The following NEK11 variants were observed in gnomAD, a reference collection of about 807,000 sequenced individuals.
NEK11 encodes serine/threonine-protein kinase Nek11.
A neutral mutation model predicts 80.7 loss-of-function variants in NEK11; 72 were observed. That is an observed-to-expected ratio of 0.89 (90% CI 0.74 to 1.08). The LOEUF is 1.08. Among genes scored for constraint, NEK11 ranks in the 50% least tolerant of loss-of-function variants. The pLI is 0.00. For synonymous variants in NEK11, 251 were observed against 260.7 expected, an observed-to-expected ratio of 0.96 and a Z score of 0.36; for missense variants, 764 against 763.6, an observed-to-expected ratio of 1.00 and a Z score of -0.01.
chr3:131,098,352 A>C (rs1460740992), intron 4 of NEK11, among the ~76,000 whole-genome samples: 1 of 152,226 alleles, frequency 6.6e-6, no homozygotes, highest in African/African-American at 2.4e-5. Flanking sequence ...AGAAACTGCC[A>C]TCAAAGTGAA....
chr3:131,265,573 T>C (rs1013846751), intron 16 of NEK11, among the ~76,000 whole-genome samples: 5 of 152,334 alleles, frequency 3.3e-5, no homozygotes, highest in African/African-American at 4.8e-5. Context: ...GCTGACTTGA[T>C]TGTAGTGGAT....
intron 17 of NEK11, among the ~76,000 whole-genome samples, chr3:131,336,771 A>T (rs2097192075): frequency 6.6e-6 from 1 of 152,246 alleles, no homozygotes; most frequent in East Asian, 1.9e-4. Flanking sequence ...CAAATTTACA[A>T]GAAAAAAACA....
chr3:131,284,252 G>T (rs1437692322), intron 17 of NEK11, among the ~76,000 whole-genome samples: 1 of 152,174 alleles, frequency 6.6e-6, no homozygotes, highest in Non-Finnish European at 1.5e-5. Flanking sequence ...CTGAAGCGGA[G>T]GTTCACTAGC....
intron 14 of NEK11, among the ~76,000 whole-genome samples, chr3:131,181,299 G>A (rs1036072987): frequency 4.6e-5 from 7 of 152,180 alleles, no homozygotes; most frequent in African/African-American, 1.7e-4. Context: ...AGGAGACAAT[G>A]AGCCAAGGAA....
chr3:131,265,594 A>T (rs2096037172), intron 16 of NEK11, among the ~76,000 whole-genome samples: 1 of 152,114 alleles, frequency 6.6e-6, no homozygotes, highest in African/African-American at 2.4e-5. Context: ...AAGCTTTTTG[A>T]TGTGCTGCTG....
rs1201725192 is a variant in NEK11, at chr3:131,228,549, T to G, written c.1421T>G (p.Val474Gly). The G allele has an allele frequency of 5.0e-6, 8 of 1,610,136 alleles. No homozygotes were observed. Among genetic ancestry groups the G allele is most frequent in the Non-Finnish European group, 6.8e-6 (8 of 1,178,166 alleles). Residue 474 changes from valine (V) to glycine (G), a missense_variant, in exon 15 of 18, where the codon GTG becomes GGG. By Grantham distance (109) the Val-to-Gly change is moderately radical (BLOSUM62 -3). Transcript: ENST00000383366. Reference sequence around the variant, plus strand: ...TCAGAGATCCCAGAAGACCCACTTGTGGCTGAAGAGTACTACGCTGATGCA... The same window carrying G: ...TCAGAGATCCCAGAAGACCCACTTGGGGCTGAAGAGTACTACGCTGATGCA... Reference protein sequence around the residue: ...GYHEIPEDPLVAEEYYADAFD... With the variant: ...GYHEIPEDPLGAEEYYADAFD...
intron 10 of NEK11, 98 bp downstream of exon 10, chr3:131,155,219 A>G: frequency 2.7e-6 from 2 of 753,346 alleles, no homozygotes; most frequent in Non-Finnish European, 4.4e-6. Flanking sequence ...TGCATCGAGT[A>G]TCCTAGAATT....
chr3:131,158,291 C>T (rs1321297671), intron 10 of NEK11, among the ~76,000 whole-genome samples: 1 of 152,186 alleles, frequency 6.6e-6, no homozygotes, highest in African/African-American at 2.4e-5. Flanking sequence ...AGCCACCACC[C>T]TCCCCATGTT....
At chr3:131,179,614 C>T (rs1486517883) in intron 14 of NEK11, among the ~76,000 whole-genome samples, 1 of 152,092 alleles carries the variant, frequency 6.6e-6, no homozygotes, top group Non-Finnish European at 1.5e-5. Flanking sequence ...ATCTGTTTGA[C>T]TTATACTCCT....
chr3:131,193,209 C>T (rs996185613), intron 14 of NEK11, among the ~76,000 whole-genome samples: 9 of 151,712 alleles, frequency 5.9e-5, no homozygotes, highest in East Asian at 1.9e-4. Context: ...TTTTTTTTAG[C>T]GACTAGCCTA....
At chr3:131,178,040 G>A (rs2093136813) in intron 14 of NEK11, among the ~76,000 whole-genome samples, 1 of 152,144 alleles carries the variant, frequency 6.6e-6, no homozygotes. Context: ...CATATTGTAG[G>A]CAATTGTAAC....
At chr3:131,045,620 A>G (rs906316315) in intron 3 of NEK11, among the ~76,000 whole-genome samples, 14 of 152,092 alleles carry the variant, frequency 9.2e-5, no homozygotes, top group Admixed American at 3.3e-4. Context: ...CATAGAATGT[A>G]TATTCTATAG....
chr3:131,064,541 C>T lies in NEK11; in HGVS notation c.171-15882C>T, dbSNP rs138296962. Among the ~76,000 whole-genome samples the T allele has an allele frequency of 2.4e-3, 369 of 152,226 alleles. 3 individuals carry two copies. Among genetic ancestry groups the T allele is most frequent in the South Asian group, 3.9e-3 (19 of 4,822 alleles). ...AAGACCTTATCTCCAAATACAGTTA[C>T]ATTCTGAGGCACTGGGGGTTGAGAC... On this transcript the variant is annotated intron_variant, in intron 3 of 17. Transcript: ENST00000383366.
At chr3:131,055,176 T>G (rs2069225126) in intron 3 of NEK11, among the ~76,000 whole-genome samples, 1 of 152,182 alleles carries the variant, frequency 6.6e-6, no homozygotes, top group Non-Finnish European at 1.5e-5. Context: ...GAGACGCGGT[T>G]TATATCAGCC....
At chr3:131,274,632 CTTTTTTTTTTTTTT>C (rs756861338) in intron 17 of NEK11, among the ~76,000 whole-genome samples, 7 of 45,304 alleles carry the variant, frequency 1.5e-4, no homozygotes, top group Admixed American at 4.1e-4. Flanking sequence ...TGTTTCCTGA[CTTTTTTTTTTTTTT>C]TTTTTTTTTT....
chr3:131,146,251 TTTC>T (rs2088241418), intron 7 of NEK11, among the ~76,000 whole-genome samples: 1 of 152,096 alleles, frequency 6.6e-6, no homozygotes, highest in Non-Finnish European at 1.5e-5. Context: ...GCAAATTTGA[TTTC>T]TTTTTTTCAG....
intron 4 of NEK11, among the ~76,000 whole-genome samples, chr3:131,108,725 A>G (rs12639350): frequency 0.22 from 32,743 of 151,880 alleles, 3,723 homozygotes; most frequent in African/African-American, 0.27. Context: ...TTGCCAGTGA[A>G]TGATAGGATA....
chr3:131,211,825 G>T (rs2176175), intron 14 of NEK11, among the ~76,000 whole-genome samples: 63,567 of 151,938 alleles, frequency 0.42, 15,695 homozygotes, highest in Middle Eastern at 0.66. Flanking sequence ...CCCTCAGGCC[G>T]TTTAATGTCT....
chr3:131,087,488 C>T (rs933546632), intron 4 of NEK11, among the ~76,000 whole-genome samples: 1 of 152,018 alleles, frequency 6.6e-6, no homozygotes, highest in African/African-American at 2.4e-5. Flanking sequence ...GTGATCCGCC[C>T]ACGTCAGCCT....
Sources: allele counts gnomAD v4.1 joint callset (sites outside exome capture counted in the v4.1 genomes callset), GRCh38; gene constraint gnomAD v4.1.1; transcripts MANE v1.5; gene names NCBI Gene and HGNC (gene_info 2026-07-23, HGNC 2026-07-21).